GNPDA2: variants seen among roughly 807,000 people sequenced by gnomAD.
GNPDA2 encodes glucosamine-6-phosphate deaminase 2.
In GNPDA2, 24 loss-of-function variants were observed where a neutral mutation model predicts 27.0. That is an observed-to-expected ratio of 0.89 (90% CI 0.64 to 1.25). The LOEUF is 1.25. Ranked by LOEUF, GNPDA2 falls within the 50% of genes most tolerant of loss-of-function variation. The pLI is 0.00. For missense variants in GNPDA2, 286 were observed against 335.1 expected, an observed-to-expected ratio of 0.85 and a Z score of 1.14; for synonymous variants, 94 against 108.4, an observed-to-expected ratio of 0.87 and a Z score of 0.83.
intron 6 of GNPDA2, chr4:44,706,290 T>C (rs1001505845): frequency 7.8e-5 from 10 of 128,254 alleles, no homozygotes; most frequent in African/African-American, 2.6e-4. Context: ...GGTAAAAATA[T>C]AAATGACTAG....
rs1560357600 is a variant in GNPDA2, at chr4:44,707,820, CG to C, written c.700del (p.Arg234GlyfsTer12). 2.5e-6 allele frequency: 4 copies of C among 1,613,238 alleles called. No homozygotes were observed. On this transcript the variant is annotated frameshift_variant, in exon 6 of 7. Coordinates refer to ENST00000295448, the MANE Select transcript of GNPDA2 (RefSeq NM_138335.3). LOFTEE classifies it high-confidence loss of function. The stretch of plus-strand genomic sequence containing the variant: ...ATCTTCATCGCATACAAAAATAGTC[CG>C]GGGATGCTGCTGGAAAGCGGAAACA... ...WTVSAFQQHP[R>X]TIFVCDEDAT...
At chr4:44,721,476 A>G (rs1577596195) in intron 2 of GNPDA2, among the ~76,000 whole-genome samples, 2 of 152,300 alleles carry the variant, frequency 1.3e-5, no homozygotes, top group South Asian at 2.1e-4. Flanking sequence ...ATAAAGTGCC[A>G]TAAGATCAAA....
At chr4:44,717,076 A>T (rs1403039364) in intron 4 of GNPDA2, 37 bp downstream of exon 4, 1 of 1,415,590 alleles carries the variant, frequency 7.1e-7, no homozygotes. Flanking sequence ...TAATTCAAAC[A>T]CTAACAAACA....
intron 6 of GNPDA2, chr4:44,705,125 C>T: frequency 1.9e-5 from 19 of 984,864 alleles, no homozygotes; most frequent in Non-Finnish European, 2.3e-5. Context: ...AGATTCTGGT[C>T]AGCACTTTTT....
At chr4:44,718,000 A>G (rs1294425833) in intron 3 of GNPDA2, among the ~76,000 whole-genome samples, 1 of 151,912 alleles carries the variant, frequency 6.6e-6, no homozygotes, top group South Asian at 2.1e-4. Context: ...AGAAAAAAAG[A>G]GAATAAGAAA....
chr4:44,702,004 TG>T lies in GNPDA2; in HGVS notation c.*1076del. 5 of 985,464 alleles carry T rather than the reference TG, an allele frequency of 5.1e-6. No individual in the cohort carries two copies. Among genetic ancestry groups the T allele is most frequent in the Non-Finnish European group, 6.0e-6 (5 of 829,762 alleles). The allele number at this position is 985,464 out of a possible 1,614,324, so 61.0% of individuals were successfully genotyped here. A position where few individuals can be genotyped will look rare whatever the true frequency, so the allele number is the denominator to read the frequency against. On this transcript the variant is annotated 3_prime_UTR_variant, in exon 7 of 7. Coordinates refer to ENST00000295448, the MANE Select transcript of GNPDA2 (RefSeq NM_138335.3). Reference sequence around the variant, plus strand: ...AAAATAAGCAAAAGGAGCATTTTTTTGCTCCCCACAGAGGCAAAGACATCTT... The same window carrying T: ...AAAATAAGCAAAAGGAGCATTTTTTTCTCCCCACAGAGGCAAAGACATCTT...
intron 4 of GNPDA2, among the ~76,000 whole-genome samples, chr4:44,713,636 T>C (rs1241581555): frequency 6.6e-6 from 1 of 152,140 alleles, no homozygotes; most frequent in Non-Finnish European, 1.5e-5. Flanking sequence ...TCCTAGCACT[T>C]TGGGAGGCCA....
At chr4:44,724,120 G>A (rs140689373) in intron 1 of GNPDA2, among the ~76,000 whole-genome samples, 142 of 152,234 alleles carry the variant, frequency 9.3e-4, no homozygotes, top group Non-Finnish European at 1.8e-3. Context: ...TCTAGCTTTA[G>A]GAAGTTTGCG....
At chr4:44,711,202 G>T in intron 4 of GNPDA2, 65 bp from the exon 5 acceptor site, 2 of 991,580 alleles carry the variant, frequency 2.0e-6, no homozygotes, top group Non-Finnish European at 2.7e-6. Flanking sequence ...TTCAATGTGC[G>T]TTAAAGAACA....
intron 4 of GNPDA2, 84 bp downstream of exon 4, chr4:44,717,029 A>G (rs1420846602): frequency 1.1e-6 from 1 of 942,552 alleles, no homozygotes; most frequent in Non-Finnish European, 1.6e-6. Context: ...TTTACATTAC[A>G]CAATGGGAAG....
rs771504674 is a variant in GNPDA2, at chr4:44,702,521, G to A, written c.*560C>T. ...CAAAAGGATGTAAACTGTACTTTTA[G>A]GCACTGTCATCTCTTCAAATTTCCT... is the stretch of plus-strand genomic sequence containing the variant. On this transcript the variant is annotated 3_prime_UTR_variant, in exon 7 of 7. Coordinates refer to ENST00000295448, the MANE Select transcript of GNPDA2 (RefSeq NM_138335.3). 21 of 985,892 alleles carry A rather than the reference G, an allele frequency of 2.1e-5. No individual in the cohort carries two copies. Among genetic ancestry groups the A allele is most frequent in the Non-Finnish European group, 2.4e-5 (20 of 830,082 alleles). The allele number at this position is 985,892 out of a possible 1,614,324, so 61.1% of individuals were successfully genotyped here.
chr4:44,723,064 T>C (rs1717779431), intron 1 of GNPDA2, among the ~76,000 whole-genome samples: 2 of 152,166 alleles, frequency 1.3e-5, no homozygotes, highest in South Asian at 4.1e-4. Flanking sequence ...GCAATTTTAG[T>C]TCCTCAAAAA....
chr4:44,702,349 T>G lies in GNPDA2; in HGVS notation c.*732A>C, dbSNP rs1340585891. On this transcript the variant is annotated 3_prime_UTR_variant, in exon 7 of 7. Coordinates refer to ENST00000295448, the MANE Select transcript of GNPDA2 (RefSeq NM_138335.3). ...GAAAATATTCTCCAAAAGAATTTCC[T>G]GAAGTGGCTTGCTAGGTATAAAGCT... 1 of 851,380 alleles carries G rather than the reference T, an allele frequency of 1.2e-6. No homozygotes were observed. Among genetic ancestry groups the G allele is most frequent in the African/African-American group, 1.8e-5 (1 of 54,320 alleles). 52.7% of individuals were successfully genotyped at this position (851,380 alleles called of 1,614,324 possible).
chr4:44,714,785 A>T (rs1163196870), intron 4 of GNPDA2: 19 of 399,106 alleles, frequency 4.8e-5, no homozygotes, highest in Non-Finnish European at 6.1e-5. Context: ...AGGGCATCCC[A>T]AATAAGGAAA....
chr4:44,725,744 G>A (rs1287667007), intron 1 of GNPDA2, among the ~76,000 whole-genome samples: 5 of 142,258 alleles, frequency 3.5e-5, no homozygotes, highest in Non-Finnish European at 7.7e-5. Flanking sequence ...AACTATTGTC[G>A]CCTTATGCAA....
At chr4:44,704,090 G>T in intron 6 of GNPDA2, 1 of 985,110 alleles carries the variant, frequency 1.0e-6, no homozygotes. Flanking sequence ...TAAAATCCCA[G>T]CTTTGAGAAA....
Position 44,701,991 on chromosome 4 carries a change from A to T in GNPDA2, c.*1090T>A. 2.0e-6 allele frequency: 2 copies of T among 985,310 alleles called. No homozygotes were observed. Among genetic ancestry groups the T allele is most frequent in the Non-Finnish European group, 2.4e-6 (2 of 829,656 alleles). 61.0% of individuals were successfully genotyped at this position (985,310 alleles called of 1,614,324 possible). On this transcript the variant is annotated 3_prime_UTR_variant, in exon 7 of 7. Transcript: ENST00000295448. ...GCTTATGAAATGCAAAATAAGCAAA[A>T]GGAGCATTTTTTTGCTCCCCACAGA...
At chr4:44,708,311 C>G (rs954769349) in intron 5 of GNPDA2, among the ~76,000 whole-genome samples, 1 of 151,980 alleles carries the variant, frequency 6.6e-6, no homozygotes, top group Non-Finnish European at 1.5e-5. Context: ...CACCAAGTTG[C>G]TGTAGTCTAG....
At position 44,711,080 on chromosome 4, in the gene GNPDA2, C is replaced by A. The variant is rs574762339; in HGVS notation, c.467G>T (p.Arg156Met). 2 of 1,612,242 alleles carry A rather than the reference C, an allele frequency of 1.2e-6. No individual in the cohort carries two copies. Among genetic ancestry groups the A allele is most frequent in the Admixed American group, 1.7e-5 (1 of 59,656 alleles). The part of the protein sequence containing the change: ...FNEPGSSLVS[R>M]TRLKTLAMDT... ...CATTGCTAGAGTCTTTAATCTTGTC[C>A]TTGACACTAAACTGGATCCAGGCTC... Residue 156 changes from arginine (R) to methionine (M), a missense_variant, in exon 5 of 7, where the codon AGG becomes ATG. By Grantham distance (91) the Arg-to-Met change is moderately conservative. Transcript: ENST00000295448.
Sources: allele counts gnomAD v4.1 joint callset (sites outside exome capture counted in the v4.1 genomes callset), GRCh38; gene constraint gnomAD v4.1.1; transcripts MANE v1.5; gene names NCBI Gene and HGNC (gene_info 2026-07-23, HGNC 2026-07-21).